ANKRD6: variants seen among roughly 807,000 people sequenced by gnomAD.
ANKRD6 encodes ankyrin repeat domain 6.
ANKRD6 carries 56 observed loss-of-function variants against 82.3 expected under a neutral mutation model. That is an observed-to-expected ratio of 0.68 (90% CI 0.55 to 0.85). The LOEUF (loss-of-function observed/expected upper bound fraction) is 0.85. ANKRD6 is among the 40% of genes least tolerant of loss of function. ANKRD6 has a pLI of 0.00. For synonymous variants in ANKRD6, 347 were observed against 352.1 expected, an observed-to-expected ratio of 0.99 and a Z score of 0.16; for missense variants, 852 against 907.6, an observed-to-expected ratio of 0.94 and a Z score of 0.79.
chr6:89,523,441 T>C (rs534645271), intron 1 of ANKRD6, among the ~76,000 whole-genome samples: 4 of 152,318 alleles, frequency 2.6e-5, no homozygotes, highest in South Asian at 2.1e-4. Flanking sequence ...GGTTCTTTTA[T>C]TGGGAGCAGT....
intron 1 of ANKRD6, among the ~76,000 whole-genome samples, chr6:89,564,334 G>A (rs1280775985): frequency 6.6e-6 from 1 of 152,088 alleles, no homozygotes; most frequent in African/African-American, 2.4e-5. Flanking sequence ...AAAAATAGAA[G>A]GGTGTTTCTG....
chr6:89,585,101 C>T (rs551374192), intron 2 of ANKRD6, among the ~76,000 whole-genome samples: 3 of 152,174 alleles, frequency 2.0e-5, no homozygotes, highest in Non-Finnish European at 4.4e-5. Flanking sequence ...ACAAGCTAAA[C>T]AAGAAAAATC....
intron 1 of ANKRD6, among the ~76,000 whole-genome samples, chr6:89,501,956 C>A (rs77407508): frequency 0.019 from 2,858 of 152,234 alleles, 98 homozygotes; most frequent in African/African-American, 0.063. Flanking sequence ...GTTTGTGGAT[C>A]GTTTCACCTT....
At chr6:89,435,280 C>A (rs919372929) in intron 1 of ANKRD6, among the ~76,000 whole-genome samples, 1 of 152,162 alleles carries the variant, frequency 6.6e-6, no homozygotes, top group Non-Finnish European at 1.5e-5. Flanking sequence ...GTACGAGTCA[C>A]CCGGCTGAAG....
rs569587329 is a variant in ANKRD6 at position 89,444,900 on chromosome 6, G to A, written c.-144+11525G>A. Among the ~76,000 whole-genome samples, 161 of 152,116 alleles carry A rather than the reference G, an allele frequency of 1.1e-3. 1 individual carries two copies. The highest frequency in any genetic ancestry group is 6.8e-3 in the Middle Eastern group (2 of 294). On this transcript the variant is annotated intron_variant, in intron 1 of 15. Coordinates refer to ENST00000339746, the MANE Select transcript of ANKRD6 (RefSeq NM_001242809.2). ...GGAGAGTTGCTTGAACCTGGGAGGC[G>A]GAGGTTACAGTGAGCCAAGATCACA...
At chr6:89,607,512 A>G (rs1013843928) in intron 5 of ANKRD6, among the ~76,000 whole-genome samples, 11 of 152,222 alleles carry the variant, frequency 7.2e-5, no homozygotes, top group African/African-American at 2.7e-4. Flanking sequence ...TGTGTATTTA[A>G]AAATTTAAGC....
chr6:89,618,083 G>T (rs760735582), intron 9 of ANKRD6, 52 bp downstream of exon 9: 10 of 1,590,778 alleles, frequency 6.3e-6, no homozygotes, highest in Non-Finnish European at 6.9e-6. Flanking sequence ...CTACAAAGTT[G>T]TTGGGACTCC....
At chr6:89,624,514 G>T (rs1238574120) in intron 12 of ANKRD6, 25 bp from the exon 13 acceptor site, 7 of 1,551,240 alleles carry the variant, frequency 4.5e-6, no homozygotes, top group South Asian at 1.2e-5. Context: ...ACAAGGGATT[G>T]ATTCCTTTTT....
chr6:89,528,183 T>G (rs935713748), intron 1 of ANKRD6, among the ~76,000 whole-genome samples: 1 of 152,262 alleles, frequency 6.6e-6, no homozygotes, highest in African/African-American at 2.4e-5. Context: ...AAGATTTCTC[T>G]GTAGCATGTG....
intron 7 of ANKRD6, among the ~76,000 whole-genome samples, chr6:89,615,896 A>G (rs1801449140): frequency 6.6e-6 from 1 of 152,236 alleles, no homozygotes; most frequent in African/African-American, 2.4e-5. Flanking sequence ...TTGTGAAAGC[A>G]TATTTCTTGT....
chr6:89,576,030 T>C (rs1702392380), intron 2 of ANKRD6, among the ~76,000 whole-genome samples: 1 of 152,132 alleles, frequency 6.6e-6, no homozygotes, highest in Admixed American at 6.5e-5. Context: ...CTAAGAACTA[T>C]GATTTTCCAT....
rs186653322 is a variant in ANKRD6 at position 89,544,451 on chromosome 6, C to G, written c.-143-22383C>G. Among the ~76,000 whole-genome samples the G allele has an allele frequency of 3.9e-3, 590 of 152,352 alleles. 3 individuals carry two copies. The highest frequency in any genetic ancestry group is 0.014 in the African/African-American group (562 of 41,586). On this transcript the variant is annotated intron_variant, in intron 1 of 15. Coordinates refer to ENST00000339746, the MANE Select transcript of ANKRD6 (RefSeq NM_001242809.2). ...TGAGTCCTGTCCGGGCACAGTGGCT[C>G]ACGCCTGTAATCCCAGCACTTTGGA... is the stretch of plus-strand genomic sequence containing the variant.
At chr6:89,470,631 A>AATAATG (rs1554216067) in intron 1 of ANKRD6, among the ~76,000 whole-genome samples, 2 of 151,526 alleles carry the variant, frequency 1.3e-5, no homozygotes, top group East Asian at 1.9e-4. Context: ...TAATAATAAT[A>AATAATG]ATGATGATGA....
intron 1 of ANKRD6, among the ~76,000 whole-genome samples, chr6:89,510,338 G>A (rs542445292): frequency 1.3e-5 from 2 of 151,480 alleles, no homozygotes; most frequent in African/African-American, 2.4e-5. Context: ...GTTTTAAGGG[G>A]CACATTAGCA....
Position 89,501,703 on chromosome 6 carries a change from G to A in ANKRD6, c.-143-65131G>A, listed in dbSNP as rs534052297. Among the ~76,000 whole-genome samples the A allele has an allele frequency of 3.3e-5, 5 of 152,340 alleles. No individual in the cohort carries two copies. In the South Asian group the frequency reaches 1.0e-3, roughly 32 times the overall value. Reference sequence around the variant, plus strand: ...GGGCTTTATGGATAACATCCATGTGGAGATGCTTGAAAATACTGTTTGTTA... The same window carrying A: ...GGGCTTTATGGATAACATCCATGTGAAGATGCTTGAAAATACTGTTTGTTA... On this transcript the variant is annotated intron_variant, in intron 1 of 15. Transcript: ENST00000339746.
intron 1 of ANKRD6, among the ~76,000 whole-genome samples, chr6:89,558,327 A>G (rs1016654830): frequency 1.4e-4 from 21 of 152,230 alleles, no homozygotes; most frequent in African/African-American, 4.8e-4. Context: ...AATGTCCTTC[A>G]GTAGATGAAT....
intron 1 of ANKRD6, among the ~76,000 whole-genome samples, chr6:89,515,137 T>G (rs1356349182): frequency 6.6e-6 from 1 of 152,248 alleles, no homozygotes; most frequent in Non-Finnish European, 1.5e-5. Flanking sequence ...GTGGTTTTTC[T>G]TTCATTTGAA....
intron 1 of ANKRD6, among the ~76,000 whole-genome samples, chr6:89,476,151 A>T (rs1011114748): frequency 6.6e-6 from 1 of 152,004 alleles, no homozygotes; most frequent in Non-Finnish European, 1.5e-5. Flanking sequence ...TATAATTAAT[A>T]TGTGTATGTT....
chr6:89,557,090 T>C (rs1458138492), intron 1 of ANKRD6, among the ~76,000 whole-genome samples: 1 of 152,140 alleles, frequency 6.6e-6, no homozygotes, highest in African/African-American at 2.4e-5. Flanking sequence ...GAGCCCCTCA[T>C]CAAGGTGAGG....
Sources: gnomAD v4.1 joint callset for allele counts (sites outside exome capture counted in the v4.1 genomes callset) on GRCh38, gnomAD v4.1.1 for gene constraint, MANE v1.5 for transcripts, NCBI Gene and HGNC (gene_info 2026-07-23, HGNC 2026-07-21) for gene names.